The following AAMDC variants were observed in gnomAD, a reference collection of about 807,000 sequenced individuals.
AAMDC encodes mth938 domain-containing protein.
AAMDC carries 16 observed loss-of-function variants against 15.5 expected under a neutral mutation model. The ratio of observed to expected loss-of-function variants is 1.03; its 90% confidence interval spans 0.70 to 1.57. AAMDC has a LOEUF of 1.57. Ranked by LOEUF, AAMDC falls within the 40% of genes most tolerant of loss-of-function variation. The probability of loss-of-function intolerance (pLI) is 0.00; values close to 1 mark genes in which losing one functional copy is unlikely to be tolerated. For missense variants in AAMDC, 141 were observed against 144.9 expected (o/e 0.97, Z 0.14); for synonymous variants, 51 against 51.6 (o/e 0.99, Z 0.05).
intron 2 of AAMDC, among the ~76,000 whole-genome samples, chr11:77,857,046 T>C (rs965390946): frequency 2.6e-5 from 4 of 152,228 alleles, no homozygotes; most frequent in Admixed American, 1.3e-4. Context: ...TAATTCACTA[T>C]GAAGTAATAG....
intron 5 of AAMDC, chr11:77,891,480 A>C (rs1394232387): frequency 1.2e-6 from 2 of 1,612,960 alleles, no homozygotes; most frequent in Non-Finnish European, 1.7e-6. Context: ...CAAGAGGAAA[A>C]TCCTATGATT....
intron 5 of AAMDC, among the ~76,000 whole-genome samples, chr11:77,877,750 T>C (rs1433990959): frequency 9.4e-6 from 1 of 106,866 alleles, no homozygotes; most frequent in Non-Finnish European, 1.9e-5. Flanking sequence ...ACACTTGCAA[T>C]TTTTTTTTTT....
chr11:77,895,527 G>GAAAAAAAAA (rs71046921), intron 5 of AAMDC, among the ~76,000 whole-genome samples: 1 of 39,232 alleles, frequency 2.5e-5, no homozygotes, highest in South Asian at 1.4e-3. Flanking sequence ...TTCTTTTCCT[G>GAAAAAAAAA]AAAAAAAAAA....
chr11:77,837,308 G>A (rs1372135484), intron 1 of AAMDC, among the ~76,000 whole-genome samples: 2 of 151,830 alleles, frequency 1.3e-5, no homozygotes, highest in African/African-American at 2.4e-5. Flanking sequence ...GCTAATTTTT[G>A]TTATTTTTAG....
At chr11:77,886,108 A>C (rs1408887945) in intron 5 of AAMDC, among the ~76,000 whole-genome samples, 1 of 151,972 alleles carries the variant, frequency 6.6e-6, no homozygotes, top group Admixed American at 6.6e-5. Context: ...CAGGAGGCTG[A>C]GGCAGGAGGA....
intron 1 of AAMDC, among the ~76,000 whole-genome samples, chr11:77,838,015 G>C (rs1949763403): frequency 6.6e-6 from 1 of 152,182 alleles, no homozygotes; most frequent in Non-Finnish European, 1.5e-5. Flanking sequence ...TGAGGTTGCA[G>C]TGAGCTAAGA....
At chr11:77,851,782 G>A (rs948338073) in intron 2 of AAMDC, among the ~76,000 whole-genome samples, 2 of 152,108 alleles carry the variant, frequency 1.3e-5, no homozygotes, top group African/African-American at 4.8e-5. Flanking sequence ...TCAAGCAGAT[G>A]CTGGTATCAT....
intron 5 of AAMDC, among the ~76,000 whole-genome samples, chr11:77,896,047 G>T (rs1403087794): frequency 6.6e-6 from 1 of 152,152 alleles, no homozygotes; most frequent in Non-Finnish European, 1.5e-5. Flanking sequence ...AGCTGTAAAG[G>T]AGACCAAGCA....
intron 5 of AAMDC, among the ~76,000 whole-genome samples, chr11:77,885,727 G>A (rs581807): frequency 0.38 from 57,325 of 151,800 alleles, 11,239 homozygotes; most frequent in African/African-American, 0.46. Context: ...GCTGAAGCAG[G>A]AGAATCACTT....
At chr11:77,898,446 G>A (rs1003225533) in intron 5 of AAMDC, among the ~76,000 whole-genome samples, 4 of 152,190 alleles carry the variant, frequency 2.6e-5, no homozygotes, top group Non-Finnish European at 5.9e-5. Context: ...ACAGGCGTGA[G>A]CCACTGCGCC....
At chr11:77,891,357 C>A (rs2136392599) in intron 5 of AAMDC, 1 of 1,611,004 alleles carries the variant, frequency 6.2e-7, no homozygotes, top group East Asian at 2.2e-5. Context: ...TGCACATGCT[C>A]CAGGGTTGCA....
intron 5 of AAMDC, among the ~76,000 whole-genome samples, chr11:77,879,699 C>G (rs1216116287): frequency 6.6e-6 from 1 of 152,156 alleles, no homozygotes; most frequent in East Asian, 1.9e-4. Flanking sequence ...CATCTAGTGT[C>G]TCTATGTGGC....
At chr11:77,869,880 C>G in intron 3 of AAMDC, 63 bp downstream of exon 3, 2 of 1,494,588 alleles carry the variant, frequency 1.3e-6, no homozygotes, top group Non-Finnish European at 1.9e-6. Context: ...CTTTGTCTTA[C>G]AGACTTGTCC....
At chr11:77,882,192 A>G (rs1951820979) in intron 5 of AAMDC, among the ~76,000 whole-genome samples, 1 of 151,734 alleles carries the variant, frequency 6.6e-6, no homozygotes, top group Non-Finnish European at 1.5e-5. Context: ...TACAGGTACA[A>G]GCCACCAGGC....
At chr11:77,879,076 C>G in intron 5 of AAMDC, 2 of 1,614,076 alleles carry the variant, frequency 1.2e-6, no homozygotes, top group Non-Finnish European at 1.7e-6. Context: ...TTTTGGAATG[C>G]GAGCACTGGA....
chr11:77,882,515 G>A lies in AAMDC; in HGVS notation c.328+5466G>A, dbSNP rs766856819. On this transcript the variant is annotated intron_variant, in intron 5 of 5. Coordinates refer to the AAMDC transcript ENST00000304716. ...CCACAGCATTTCCTTCCCCATGTCC[G>A]GGATCCCTTCAGCAGAAGATATTAG... Among the ~76,000 whole-genome samples, 4 of 152,124 alleles carry A rather than the reference G, an allele frequency of 2.6e-5. No homozygotes were observed. In the East Asian group the frequency reaches 5.8e-4, roughly 22 times the overall value.
intron 5 of AAMDC, chr11:77,878,674 AGC>A: frequency 1.5e-6 from 1 of 665,708 alleles, no homozygotes; most frequent in Non-Finnish European, 2.7e-6. Context: ...TAAAAGCTGA[AGC>A]TATAGCCACA....
chr11:77,865,211 ATTAC>A (rs1441791972), intron 2 of AAMDC, among the ~76,000 whole-genome samples: 1 of 152,204 alleles, frequency 6.6e-6, no homozygotes, highest in Non-Finnish European at 1.5e-5. Flanking sequence ...ACTTAGCATG[ATTAC>A]TTAGTGTGAA....
intron 2 of AAMDC, among the ~76,000 whole-genome samples, chr11:77,848,011 A>G (rs964550144): frequency 6.6e-6 from 1 of 152,192 alleles, no homozygotes; most frequent in African/African-American, 2.4e-5. Flanking sequence ...CAGGCCCTCA[A>G]TGGATTGGAT....
Sources: gnomAD v4.1 joint callset for allele counts (sites outside exome capture counted in the v4.1 genomes callset) on GRCh38, gnomAD v4.1.1 for gene constraint, MANE v1.5 for transcripts, NCBI Gene and HGNC (gene_info 2026-07-23, HGNC 2026-07-21) for gene names.